HK1: variants seen among roughly 807,000 people sequenced by gnomAD.
The protein encoded by HK1 is hexokinase 1.
Under a neutral mutation model 91.6 loss-of-function variants are expected in HK1, and 28 were observed. The observed-to-expected ratio is 0.31, with a 90% confidence interval of 0.23 to 0.42. The LOEUF (loss-of-function observed/expected upper bound fraction) is 0.42. HK1 is among the 10% of genes least tolerant of loss of function. The pLI is 1.00. For synonymous variants in HK1, 430 were observed against 468.1 expected (o/e 0.92, Z 1.05); for missense variants, 770 against 1,219.8 (o/e 0.63, Z 5.49).
At chr10:69,287,646 T>C (rs1054622468) in intron 2 of HK1, among the ~76,000 whole-genome samples, 40 of 152,144 alleles carry the variant, frequency 2.6e-4, no homozygotes, top group African/African-American at 9.7e-4. Context: ...ATGGGTTTCC[T>C]TATAGAGTGA....
chr10:69,289,951 T>G (rs987899126), intron 3 of HK1, among the ~76,000 whole-genome samples: 2 of 152,076 alleles, frequency 1.3e-5, no homozygotes, highest in African/African-American at 4.8e-5. Context: ...TAAAGAGCTT[T>G]GATTCTCCCC....
upstream of HK1, among the ~76,000 whole-genome samples, chr10:69,315,493 T>C (rs1250345645): frequency 6.6e-6 from 1 of 152,156 alleles, no homozygotes; most frequent in East Asian, 1.9e-4. Flanking sequence ...GAGGGCCATC[T>C]GGAGAGGGAG....
At chr10:69,299,101 G>T (rs1345570105) in intron 4 of HK1, among the ~76,000 whole-genome samples, 1 of 148,690 alleles carries the variant, frequency 6.7e-6, no homozygotes, top group South Asian at 2.1e-4. Context: ...CACCATGCCC[G>T]ACCTATGTTT....
intron 4 of HK1, among the ~76,000 whole-genome samples, chr10:69,365,231 T>C (rs553308690): frequency 1.1e-4 from 17 of 152,106 alleles, no homozygotes; most frequent in Non-Finnish European, 2.4e-4. Context: ...TTGCCAGAAT[T>C]GCATGGTGTG....
rs575321896 is a variant in HK1 at position 69,274,255 on chromosome 10, G to A, written c.-391+4147G>A. Reference sequence around the variant, plus strand: ...GCTCAGGAGTTCAAGACCAGCCTGGGCAACATAGATCTCATCTGTATTTTT... The same window carrying A: ...GCTCAGGAGTTCAAGACCAGCCTGGACAACATAGATCTCATCTGTATTTTT... On this transcript the variant is annotated intron_variant, in intron 1 of 21. Coordinates refer to the HK1 transcript ENST00000360289. Among the ~76,000 whole-genome samples, 20 of 152,070 alleles carry A rather than the reference G, an allele frequency of 1.3e-4. No homozygotes were observed. In the South Asian group the frequency reaches 2.7e-3, roughly 21 times the overall value.
At chr10:69,316,134 A>C, upstream of HK1, 1 of 851,598 alleles carries the variant, frequency 1.2e-6, no homozygotes, top group Non-Finnish European at 2.0e-6. Context: ...CGGCGAACAA[A>C]TGGAGTGGAC....
At chr10:69,348,834 T>C (rs1200718705) in intron 2 of HK1, among the ~76,000 whole-genome samples, 1 of 152,098 alleles carries the variant, frequency 6.6e-6, no homozygotes, top group South Asian at 2.1e-4. Flanking sequence ...AATCAATTCA[T>C]TGAGCTGGAC....
chr10:69,340,382 T>C (rs1041870569), intron 1 of HK1, among the ~76,000 whole-genome samples: 3 of 152,198 alleles, frequency 2.0e-5, no homozygotes, highest in Non-Finnish European at 4.4e-5. Flanking sequence ...CCTGAGTAGC[T>C]GGGATTACAG....
rs549070482 is a variant in HK1 at position 69,288,868 on chromosome 10, C to A, written c.-115+98C>A. 8.4e-4 allele frequency: 832 copies of A among 993,644 alleles called. 13 individuals are homozygous for A. The South Asian group carries it at 0.011, about 13-fold the overall frequency. The allele number at this position is 993,644 out of a possible 1,614,324, so 61.6% of individuals were successfully genotyped here. ...GTGGCGCGATCTCGGCTCACTATAA[C>A]CTCTGCCTCCCGGGTTCAAGCGATT... On this transcript the variant is annotated intron_variant, in intron 3 of 21. Coordinates refer to the HK1 transcript ENST00000360289.
chr10:69,358,235 G>A (rs1849231740), intron 2 of HK1, among the ~76,000 whole-genome samples: 1 of 152,148 alleles, frequency 6.6e-6, no homozygotes, highest in African/African-American at 2.4e-5. Context: ...TTTTCTGGGA[G>A]CATCGTGAGG....
chr10:69,326,943 G>GTGCT (rs981342868), intron 1 of HK1, among the ~76,000 whole-genome samples: 17 of 150,586 alleles, frequency 1.1e-4, no homozygotes, highest in African/African-American at 4.1e-4. Flanking sequence ...TTTGTAAATG[G>GTGCT]TGCTATACTG....
At chr10:69,295,401 G>A (rs760524707) in intron 3 of HK1, among the ~76,000 whole-genome samples, 11 of 152,300 alleles carry the variant, frequency 7.2e-5, no homozygotes, top group Admixed American at 3.3e-4. Flanking sequence ...TGGTACATTT[G>A]TAAGAACCTA....
chr10:69,347,238 TGACC>T (rs1848606878), intron 2 of HK1, among the ~76,000 whole-genome samples: 1 of 151,930 alleles, frequency 6.6e-6, no homozygotes, highest in South Asian at 2.1e-4. Context: ...CTCGAACTCC[TGACC>T]TCAGGTGATC....
rs535816940 is a variant in HK1, at chr10:69,382,305, G to A, written c.1266-182G>A. 1.6e-4 allele frequency among the ~76,000 whole-genome samples: 25 copies of A among 152,310 alleles called. 1 individual carries two copies. In the South Asian group the frequency reaches 4.8e-3, roughly 29 times the overall value. On this transcript the variant is annotated intron_variant, in intron 9 of 17. Coordinates refer to ENST00000359426, the MANE Select transcript of HK1 (RefSeq NM_000188.3). ...TGGGAGGATCACCTGAACCTGGGAGGTTGAGGCAGCAGTGAGCTGTGATTG... is the reference window on the plus strand; with the variant it reads ...TGGGAGGATCACCTGAACCTGGGAGATTGAGGCAGCAGTGAGCTGTGATTG...
chr10:69,348,212 A>C (rs984914657), intron 2 of HK1, among the ~76,000 whole-genome samples: 2 of 152,162 alleles, frequency 1.3e-5, no homozygotes, highest in African/African-American at 2.4e-5. Flanking sequence ...TAAAAAAAAA[A>C]ATTTTCTAGA....
chr10:69,284,487 T>C (rs921826469), intron 2 of HK1, among the ~76,000 whole-genome samples: 2 of 151,748 alleles, frequency 1.3e-5, no homozygotes, highest in African/African-American at 4.8e-5. Flanking sequence ...TAAAACTATG[T>C]AAAAAAAAGC....
intron 15 of HK1, among the ~76,000 whole-genome samples, chr10:69,392,680 T>C (rs752824699): frequency 4.6e-5 from 7 of 152,182 alleles, no homozygotes; most frequent in Non-Finnish European, 8.8e-5. Flanking sequence ...GTCGCAATCG[T>C]CCTTTCCTCC....
Position 69,299,088 on chromosome 10 carries a change from C to T in HK1, c.-66-1681C>T, listed in dbSNP as rs569898965. The stretch of plus-strand genomic sequence containing the variant: ...CCAAGTACCTGGGATTACAGGCGTG[C>T]GCCACCATGCCCGACCTATGTTTTT... On this transcript the variant is annotated intron_variant, in intron 4 of 21. Transcript: ENST00000360289. Among the ~76,000 whole-genome samples the T allele has an allele frequency of 7.5e-4, 113 of 151,400 alleles. 3 individuals are homozygous for T. Among genetic ancestry groups the T allele is most frequent in the African/African-American group, 2.3e-3 (96 of 40,972 alleles).
intron 3 of HK1, among the ~76,000 whole-genome samples, chr10:69,294,702 A>C (rs956163710): frequency 8.0e-3 from 22 of 2,740 alleles, no homozygotes; most frequent in African/African-American, 0.042. Context: ...CTAAAAATAC[A>C]AAAAAAATAA....
Sources: gnomAD v4.1 joint callset for allele counts (sites outside exome capture counted in the v4.1 genomes callset) on GRCh38, gnomAD v4.1.1 for gene constraint, MANE v1.5 for transcripts, NCBI Gene and HGNC (gene_info 2026-07-23, HGNC 2026-07-21) for gene names.